Variants in EPB41L4A observed in about 807,000 individuals in gnomAD.
The protein encoded by EPB41L4A is band 4.1-like protein 4A.
Under a neutral mutation model 108.6 loss-of-function variants are expected in EPB41L4A, and 100 were observed. The ratio of observed to expected loss-of-function variants is 0.92; its 90% CI spans 0.78 to 1.09. The LOEUF (loss-of-function observed/expected upper bound fraction) is 1.09, where lower values mean the gene tolerates loss of function less well. EPB41L4A is among the 50% of genes least tolerant of loss of function. EPB41L4A has a pLI of 0.00. For missense variants in EPB41L4A, 1,030 were observed against 842.7 expected, an observed-to-expected ratio of 1.22 and a Z score of -2.75; for synonymous variants, 319 against 289.0, an observed-to-expected ratio of 1.10 and a Z score of -1.05.
intron 1 of EPB41L4A, among the ~76,000 whole-genome samples, chr5:112,391,797 A>G (rs1169220394): frequency 1.3e-5 from 2 of 152,214 alleles, no homozygotes; most frequent in African/African-American, 2.4e-5. Flanking sequence ...CAAGGTTGAA[A>G]TGAAGGAAAA....
chr5:112,222,497 A>C (rs951622863), intron 12 of EPB41L4A, among the ~76,000 whole-genome samples: 5 of 152,194 alleles, frequency 3.3e-5, no homozygotes, highest in Non-Finnish European at 5.9e-5. Context: ...TTTTCATGCA[A>C]GGAAATCAGC....
At chr5:112,158,465 T>C (rs780830997), downstream of EPB41L4A, 29 of 415,566 alleles carry the variant, frequency 7.0e-5, 1 homozygote, top group Admixed American at 5.8e-4. Context: ...ATATCAGAGG[T>C]AGATATAAAC....
chr5:112,382,938 T>C (rs182879236), intron 1 of EPB41L4A, among the ~76,000 whole-genome samples: 2 of 152,246 alleles, frequency 1.3e-5, no homozygotes, highest in Non-Finnish European at 2.9e-5. Context: ...ATTGGAACTG[T>C]GTGGAAAAGG....
chr5:112,268,364 C>G (rs1752014192), intron 4 of EPB41L4A, among the ~76,000 whole-genome samples: 1 of 151,386 alleles, frequency 6.6e-6, no homozygotes, highest in Non-Finnish European at 1.5e-5. Flanking sequence ...GGTGACAGAG[C>G]AAGACCCTGT....
chr5:112,245,767 A>C (rs551553602), intron 9 of EPB41L4A, among the ~76,000 whole-genome samples: 70 of 152,204 alleles, frequency 4.6e-4, no homozygotes, highest in Non-Finnish European at 9.3e-4. Context: ...TCACCAAGTG[A>C]ACAAGACTGC....
At chr5:112,198,690 T>C (rs1488558018) in intron 15 of EPB41L4A, among the ~76,000 whole-genome samples, 1 of 152,084 alleles carries the variant, frequency 6.6e-6, no homozygotes, top group Non-Finnish European at 1.5e-5. Flanking sequence ...TTATTGTGGG[T>C]TTTTTGGTTC....
chr5:112,220,020 A>T (rs887975414), intron 12 of EPB41L4A, among the ~76,000 whole-genome samples: 1 of 152,206 alleles, frequency 6.6e-6, no homozygotes, highest in Non-Finnish European at 1.5e-5. Context: ...AATGAGGTAA[A>T]CAGAGGTGGT....
At chr5:112,333,989 G>T (rs562980919) in intron 1 of EPB41L4A, among the ~76,000 whole-genome samples, 1 of 152,260 alleles carries the variant, frequency 6.6e-6, no homozygotes, top group African/African-American at 2.4e-5. Context: ...TCATCCAAGG[G>T]GACCCAGTGA....
chr5:112,279,855 G>A (rs555350553), intron 3 of EPB41L4A, among the ~76,000 whole-genome samples: 124 of 152,196 alleles, frequency 8.1e-4, no homozygotes, highest in Middle Eastern at 3.4e-3. Flanking sequence ...AGGAAACTGA[G>A]TGGTCTGAAT....
chr5:112,201,557 T>G (rs1762220987), intron 15 of EPB41L4A, among the ~76,000 whole-genome samples: 1 of 152,198 alleles, frequency 6.6e-6, no homozygotes, highest in African/African-American at 2.4e-5. Context: ...GTGTAATTAT[T>G]TTATATAGGG....
intron 18 of EPB41L4A, among the ~76,000 whole-genome samples, chr5:112,176,440 A>C (rs1401335578): frequency 6.6e-6 from 1 of 152,100 alleles, no homozygotes; most frequent in Non-Finnish European, 1.5e-5. Context: ...CAAACCTAAC[A>C]AAGAGAAATC....
chr5:112,411,486 A>G (rs1443187311), intron 1 of EPB41L4A, among the ~76,000 whole-genome samples: 2 of 152,166 alleles, frequency 1.3e-5, no homozygotes, highest in African/African-American at 2.4e-5. Flanking sequence ...TGCAAATAAT[A>G]TATCATACAT....
intron 5 of EPB41L4A, 110 bp downstream of exon 5, chr5:112,266,123 T>G (rs1232204435): frequency 2.6e-6 from 2 of 779,274 alleles, no homozygotes; most frequent in Non-Finnish European, 4.0e-6. Flanking sequence ...AATTTCTTTT[T>G]TTTGCAAAAT....
intron 2 of EPB41L4A, among the ~76,000 whole-genome samples, chr5:112,304,090 T>C (rs1380443618): frequency 6.6e-6 from 1 of 152,114 alleles, no homozygotes; most frequent in African/African-American, 2.4e-5. Context: ...AAGTTTCTGA[T>C]TGCTTTTATT....
intron 22 of EPB41L4A, among the ~76,000 whole-genome samples, chr5:112,166,224 GTGGCA>G (rs1397298258): frequency 3.3e-5 from 5 of 152,262 alleles, no homozygotes; most frequent in African/African-American, 1.2e-4. Flanking sequence ...CAGAACTCTG[GTGGCA>G]TTGTGGTGGA....
At chr5:112,230,841 G>C (rs1019643120) in intron 12 of EPB41L4A, among the ~76,000 whole-genome samples, 1 of 152,158 alleles carries the variant, frequency 6.6e-6, no homozygotes, top group Non-Finnish European at 1.5e-5. Context: ...TTATCTTCTA[G>C]AGTTTTTATG....
At chr5:112,157,718 G>A (rs1401202096), downstream of EPB41L4A, among the ~76,000 whole-genome samples, 1 of 152,076 alleles carries the variant, frequency 6.6e-6, no homozygotes, top group Non-Finnish European at 1.5e-5. Context: ...CTATCTCAAG[G>A]TTCCTAATAT....
intron 9 of EPB41L4A, among the ~76,000 whole-genome samples, chr5:112,244,995 G>T (rs751914924): frequency 6.6e-6 from 1 of 151,674 alleles, no homozygotes; most frequent in Non-Finnish European, 1.5e-5. Context: ...ACAGTGACAC[G>T]AAGTGAGCAT....
chr5:112,416,401 A>C (rs949233428), intron 1 of EPB41L4A, among the ~76,000 whole-genome samples: 2 of 152,156 alleles, frequency 1.3e-5, no homozygotes, highest in African/African-American at 4.8e-5. Flanking sequence ...CTAAGAGATG[A>C]AATGTGTGCA....
Sources: gnomAD v4.1 joint callset for allele counts (sites outside exome capture counted in the v4.1 genomes callset) on GRCh38, gnomAD v4.1.1 for gene constraint, MANE v1.5 for transcripts, NCBI Gene and HGNC (gene_info 2026-07-23, HGNC 2026-07-21) for gene names.